Variants in ZC3H18 observed in about 807,000 individuals in gnomAD.
ZC3H18 encodes zinc finger CCCH domain-containing protein 18.
In ZC3H18, 8 loss-of-function variants were observed where a neutral mutation model predicts 106.1. The observed-to-expected ratio is 0.08, with a 90% confidence interval of 0.04 to 0.14. ZC3H18 has a LOEUF of 0.14. Among genes scored for constraint, ZC3H18 ranks in the 10% least tolerant of loss-of-function variants. The pLI is 1.00. For synonymous variants in ZC3H18, 635 were observed against 522.1 expected, an observed-to-expected ratio of 1.22 and a Z score of -2.95; for missense variants, 1,318 against 1,278.4, an observed-to-expected ratio of 1.03 and a Z score of -0.47.
intron 2 of ZC3H18, 24 bp downstream of exon 2, chr16:88,577,750 C>T (rs1334666074): frequency 1.3e-5 from 21 of 1,612,276 alleles, no homozygotes; most frequent in East Asian, 4.5e-5. Context: ...AGCAGAGCGT[C>T]GCGGGGCATC....
chr16:88,601,690 AG>A (rs1478984769), intron 6 of ZC3H18, among the ~76,000 whole-genome samples: 1 of 152,078 alleles, frequency 6.6e-6, no homozygotes. Context: ...CAGGGCTGAA[AG>A]GTTTTCACTG....
At chr16:88,594,282 C>T (rs1050654647) in intron 3 of ZC3H18, among the ~76,000 whole-genome samples, 3 of 152,092 alleles carry the variant, frequency 2.0e-5, no homozygotes, top group African/African-American at 2.4e-5. Context: ...TATTGGATAT[C>T]TTGTTATTGT....
intron 6 of ZC3H18, among the ~76,000 whole-genome samples, chr16:88,605,128 T>G (rs1904949808): frequency 6.6e-6 from 1 of 152,226 alleles, no homozygotes; most frequent in Admixed American, 6.5e-5. Context: ...GATGCTTAAC[T>G]GAGAGAGCAC....
At chr16:88,609,162 C>A in intron 7 of ZC3H18, 111 bp downstream of exon 7, 1 of 764,040 alleles carries the variant, frequency 1.3e-6, no homozygotes, top group Non-Finnish European at 2.0e-6. Context: ...ATAGAGCCAG[C>A]ACAATGTACC....
intron 2 of ZC3H18, among the ~76,000 whole-genome samples, chr16:88,580,415 A>C (rs1169288051): frequency 1.3e-5 from 2 of 152,120 alleles, no homozygotes; most frequent in African/African-American, 4.8e-5. Context: ...GTCCACGCTC[A>C]AGAGCCAGTC....
At chr16:88,570,904 G>A (rs552240233) in intron 1 of ZC3H18, among the ~76,000 whole-genome samples, 11 of 152,382 alleles carry the variant, frequency 7.2e-5, no homozygotes, top group African/African-American at 2.6e-4. Context: ...GTGTGCCGCC[G>A]GCTAAGGGGC....
chr16:88,580,301 GGGGCCTGGCACATAGT>G (rs1329363936), intron 2 of ZC3H18, among the ~76,000 whole-genome samples: 2 of 151,858 alleles, frequency 1.3e-5, no homozygotes, highest in Non-Finnish European at 2.9e-5. Context: ...CTATCTCCCT[GGGGCCTGGCACATAGT>G]GGGCAGCCAG....
At chr16:88,600,034 G>A (rs1904665195) in intron 6 of ZC3H18, 86 bp downstream of exon 6, 1 of 1,526,776 alleles carries the variant, frequency 6.5e-7, no homozygotes, top group Non-Finnish European at 8.9e-7. Flanking sequence ...GGGCCCCAGG[G>A]TGCGCTCGGC....
chr16:88,613,283 G>A (rs992907428), intron 8 of ZC3H18, among the ~76,000 whole-genome samples: 1 of 152,226 alleles, frequency 6.6e-6, no homozygotes, highest in Non-Finnish European at 1.5e-5. Context: ...GTTGTTTCCA[G>A]CTTTTGGCTG....
At chr16:88,604,934 C>T (rs1904938601) in intron 6 of ZC3H18, among the ~76,000 whole-genome samples, 2 of 152,180 alleles carry the variant, frequency 1.3e-5, no homozygotes, top group African/African-American at 4.8e-5. Context: ...ACTCCCCATA[C>T]GCCCCCAGCA....
At chr16:88,593,047 A>C (rs1393582152) in intron 3 of ZC3H18, among the ~76,000 whole-genome samples, 1 of 152,266 alleles carries the variant, frequency 6.6e-6, no homozygotes, top group Admixed American at 6.5e-5. Context: ...GATTAACAAC[A>C]ATAGCCAATC....
chr16:88,583,110 C>G (rs1178633911), intron 2 of ZC3H18, among the ~76,000 whole-genome samples: 1 of 152,256 alleles, frequency 6.6e-6, no homozygotes, highest in African/African-American at 2.4e-5. Context: ...TCGGCTTCCT[C>G]TGGCACAGCA....
chr16:88,600,439 G>A (rs1302863907), intron 6 of ZC3H18, among the ~76,000 whole-genome samples: 1 of 152,170 alleles, frequency 6.6e-6, no homozygotes, highest in Non-Finnish European at 1.5e-5. Flanking sequence ...CCGAGGCAGA[G>A]TCTTGCTCTG....
At chr16:88,624,158 C>T in intron 11 of ZC3H18, 96 bp downstream of exon 11, 1 of 1,521,766 alleles carries the variant, frequency 6.6e-7, no homozygotes, top group Non-Finnish European at 8.9e-7. Flanking sequence ...TGTTTGGGAC[C>T]AAAGAGGTGA....
chr16:88,624,894 C>T, intron 12 of ZC3H18, 149 bp downstream of exon 12: 1 of 1,237,560 alleles, frequency 8.1e-7, no homozygotes, highest in Non-Finnish European at 1.1e-6. Context: ...GAGCCCTTAC[C>T]CGGGAACCTG....
intron 5 of ZC3H18, among the ~76,000 whole-genome samples, chr16:88,599,332 G>A (rs542066527): frequency 3.7e-4 from 56 of 152,340 alleles, no homozygotes; most frequent in Middle Eastern, 3.4e-3. Context: ...TGGCCCCAGT[G>A]TGTGAGCTTC....
intron 3 of ZC3H18, among the ~76,000 whole-genome samples, chr16:88,591,681 G>A (rs1410738031): frequency 6.6e-6 from 1 of 152,212 alleles, no homozygotes; most frequent in Non-Finnish European, 1.5e-5. Context: ...CTAGGCAATT[G>A]TGAATAGAGC....
In ZC3H18 at chr16:88,631,118, C is replaced by T. The variant is rs1198502549; in HGVS notation, c.2681C>T (p.Pro894Leu). The T allele has an allele frequency of 1.2e-6, 2 of 1,612,556 alleles. No individual in the cohort carries two copies. Among genetic ancestry groups the T allele is most frequent in the Admixed American group, 1.7e-5 (1 of 60,030 alleles). Reference sequence around the variant, plus strand: ...CCTTGTAGGAAGCGCCAGCTGTCACCCCAGTCCAAGAGCTCCAGCAAGGTC... The same window carrying T: ...CCTTGTAGGAAGCGCCAGCTGTCACTCCAGTCCAAGAGCTCCAGCAAGGTC... ...APADRKRQLS[P>L]QSKSSSKVTS... The change falls in exon 18 of 18, where the codon CCC (proline) becomes CTC (leucine). Residue 894 changes from proline to leucine, a missense_variant. Physicochemically the swap from Pro to Leu is moderately conservative, Grantham distance 98. Around this residue, in one of 6 missense-constraint regions of ZC3H18, gnomAD observed 848 missense variants for 821.7 expected, o/e 1.03. Transcript: ENST00000301011.
At chr16:88,611,817 C>T (rs1381546469) in intron 8 of ZC3H18, among the ~76,000 whole-genome samples, 1 of 152,252 alleles carries the variant, frequency 6.6e-6, no homozygotes. Flanking sequence ...AGTCCACGTG[C>T]AAACATCGGT....
Sources: allele counts gnomAD v4.1 joint callset (sites outside exome capture counted in the v4.1 genomes callset), GRCh38; gene constraint gnomAD v4.1.1; regional missense constraint gnomAD v4.1.1; transcripts MANE v1.5; gene names NCBI Gene and HGNC (gene_info 2026-07-23, HGNC 2026-07-21).